BMP5: variants seen among roughly 807,000 people sequenced by gnomAD.
BMP5 encodes bone morphogenetic protein 5.
Under a neutral mutation model 46.6 loss-of-function variants are expected in BMP5, and 23 were observed. The ratio of observed to expected loss-of-function variants is 0.49; its 90% CI spans 0.35 to 0.70. The LOEUF (loss-of-function observed/expected upper bound fraction) is 0.70, where lower values mean the gene tolerates loss of function less well. Among genes scored for constraint, BMP5 ranks in the 30% least tolerant of loss-of-function variants. BMP5 has a pLI of 0.00. For synonymous variants in BMP5, 204 were observed against 191.9 expected, an observed-to-expected ratio of 1.06 and a Z score of -0.52; for missense variants, 545 against 565.6, an observed-to-expected ratio of 0.96 and a Z score of 0.37.
At chr6:55,816,030 G>C (rs995990601) in intron 2 of BMP5, among the ~76,000 whole-genome samples, 1 of 151,878 alleles carries the variant, frequency 6.6e-6, no homozygotes, top group Non-Finnish European at 1.5e-5. Flanking sequence ...GTAAAATTCT[G>C]CAATTAAATA....
intron 2 of BMP5, among the ~76,000 whole-genome samples, chr6:55,801,086 C>T (rs527459897): frequency 2.4e-4 from 36 of 152,266 alleles, no homozygotes; most frequent in African/African-American, 7.7e-4. Flanking sequence ...TTCAATTTAA[C>T]GTATTTTCAC....
chr6:55,824,281 G>T (rs1554184042), intron 1 of BMP5, among the ~76,000 whole-genome samples: 1 of 149,662 alleles, frequency 6.7e-6, no homozygotes, highest in East Asian at 2.0e-4. Context: ...TAAATGAGAA[G>T]AAAAAAAAAC....
At position 55,819,657 on chromosome 6, in the gene BMP5, A is replaced by C. The variant is rs1192895926; in HGVS notation, c.681T>G (p.Asn227Lys). 1 of 1,603,610 alleles carries C rather than the reference A, an allele frequency of 6.2e-7. No homozygotes were observed. Among genetic ancestry groups the C allele is most frequent in the Non-Finnish European group, 8.5e-7 (1 of 1,170,906 alleles). ...TAAGTTAAATAAAAAGATTATACCTATTTGTGTATTCCTTGATGATTTGAT... is the reference window on the plus strand; with the variant it reads ...TAAGTTAAATAAAAAGATTATACCTCTTTGTGTATTCCTTGATGATTTGAT... Reference protein sequence around the residue: ...SIYQIIKEYTNRDADLFLLDT... With the variant: ...SIYQIIKEYTKRDADLFLLDT... The change falls in exon 2 of 7, where the codon AAT (asparagine) becomes AAG (lysine). Residue 227 changes from asparagine (N) to lysine (K), a missense_variant and splice_region_variant. Transcript: ENST00000370830.
At chr6:55,825,724 A>G (rs541799050) in intron 1 of BMP5, among the ~76,000 whole-genome samples, 4 of 152,006 alleles carry the variant, frequency 2.6e-5, no homozygotes, top group African/African-American at 9.6e-5. Flanking sequence ...AGTAGAATTA[A>G]TTAACAGAGG....
chr6:55,770,327 G>C (rs1177821216), intron 4 of BMP5, among the ~76,000 whole-genome samples: 2 of 151,758 alleles, frequency 1.3e-5, no homozygotes, highest in African/African-American at 4.8e-5. Flanking sequence ...TTTTGCTATG[G>C]AGACAGCTTC....
chr6:55,811,878 G>A (rs192627053), intron 2 of BMP5, among the ~76,000 whole-genome samples: 16 of 152,222 alleles, frequency 1.1e-4, no homozygotes, highest in Non-Finnish European at 2.2e-4. Context: ...AACACTTAGT[G>A]CATATTTACA....
intron 1 of BMP5, among the ~76,000 whole-genome samples, chr6:55,857,491 T>G (rs1437071379): frequency 6.6e-6 from 1 of 152,154 alleles, no homozygotes; most frequent in Admixed American, 6.6e-5. Context: ...GAGATCAAGG[T>G]GCCAAAAGTG....
intron 2 of BMP5, among the ~76,000 whole-genome samples, chr6:55,819,346 A>G (rs1336453972): frequency 6.6e-6 from 1 of 152,208 alleles, no homozygotes; most frequent in Non-Finnish European, 1.5e-5. Context: ...TGGGCAGAAC[A>G]AAGTGGAAGT....
Position 55,874,903 on chromosome 6 carries a change from C to A in BMP5, c.-38G>T. On this transcript the variant is annotated 5_prime_UTR_variant, in exon 1 of 7. Coordinates refer to ENST00000370830, the MANE Select transcript of BMP5 (RefSeq NM_021073.4). The stretch of plus-strand genomic sequence containing the variant: ...GCAAAAGTTGATATTTTTAGTCCTT[C>A]TTGTCCTCTTAAAAAAAAAAAAAAC... 6.3e-7 allele frequency: 1 copy of A among 1,578,776 alleles called. No homozygotes were observed. The highest frequency in any genetic ancestry group is 8.6e-7 in the Non-Finnish European group (1 of 1,165,168).
chr6:55,819,070 A>G (rs2127538283), intron 2 of BMP5, among the ~76,000 whole-genome samples: 1 of 152,086 alleles, frequency 6.6e-6, no homozygotes, highest in African/African-American at 2.4e-5. Flanking sequence ...TTTGTTAAAT[A>G]TCAGAGAAAA....
intron 2 of BMP5, among the ~76,000 whole-genome samples, chr6:55,800,343 A>G (rs1775816808): frequency 6.6e-6 from 1 of 152,212 alleles, no homozygotes; most frequent in Non-Finnish European, 1.5e-5. Context: ...TAAAATATGT[A>G]TGCGAAATAT....
intron 3 of BMP5, 26 bp from the exon 4 acceptor site, chr6:55,774,269 G>A: frequency 6.2e-7 from 1 of 1,605,160 alleles, no homozygotes; most frequent in Non-Finnish European, 8.5e-7. Flanking sequence ...AAAGCACTTG[G>A]TTTATGAAAA....
chr6:55,871,126 T>G (rs1777777764), intron 1 of BMP5, among the ~76,000 whole-genome samples: 1 of 151,886 alleles, frequency 6.6e-6, no homozygotes, highest in South Asian at 2.1e-4. Context: ...AAGAGATAAA[T>G]ATTGTAAGCA....
chr6:55,829,275 A>G (rs1175222161), intron 1 of BMP5, among the ~76,000 whole-genome samples: 2 of 151,754 alleles, frequency 1.3e-5, no homozygotes, highest in African/African-American at 4.8e-5. Flanking sequence ...TCCTTACCTC[A>G]ATCCCTAGCA....
rs146035987 is a variant in BMP5, at chr6:55,806,537, G to A, written c.684-12110C>T. On this transcript the variant is annotated intron_variant, in intron 2 of 6. Transcript: ENST00000370830. ...AGCTTTGTTCTTTTTGCTTAGGAAT[G>A]TCTTGGCTCTACAGACTCCTTTTTG... 5.9e-3 allele frequency among the ~76,000 whole-genome samples: 896 copies of A among 152,270 alleles called. 8 individuals carry two copies. Among genetic ancestry groups the A allele is most frequent in the Non-Finnish European group, 9.7e-3 (658 of 67,998 alleles).
intron 4 of BMP5, among the ~76,000 whole-genome samples, chr6:55,764,469 A>C (rs564697497): frequency 5.3e-4 from 81 of 151,562 alleles, no homozygotes; most frequent in African/African-American, 1.9e-3. Flanking sequence ...GCTACTCAGG[A>C]GGCTGAGGCA....
At chr6:55,830,158 T>A (rs1376150394) in intron 1 of BMP5, among the ~76,000 whole-genome samples, 1 of 152,124 alleles carries the variant, frequency 6.6e-6, no homozygotes, top group Non-Finnish European at 1.5e-5. Flanking sequence ...GTGAGTTATA[T>A]GAATCAATGT....
intron 4 of BMP5, among the ~76,000 whole-genome samples, chr6:55,763,760 TTC>T (rs1279308874): frequency 6.6e-6 from 1 of 152,154 alleles, no homozygotes; most frequent in Non-Finnish European, 1.5e-5. Context: ...TCAATAATAT[TTC>T]TCTGTTTTGT....
chr6:55,850,646 A>G (rs1165333134), intron 1 of BMP5, among the ~76,000 whole-genome samples: 1 of 152,154 alleles, frequency 6.6e-6, no homozygotes, highest in African/African-American at 2.4e-5. Flanking sequence ...CTTCTGGCAA[A>G]GCATTCACAG....
Sources: gnomAD v4.1 joint callset for allele counts (sites outside exome capture counted in the v4.1 genomes callset) on GRCh38, gnomAD v4.1.1 for gene constraint, MANE v1.5 for transcripts, NCBI Gene and HGNC (gene_info 2026-07-23, HGNC 2026-07-21) for gene names.